Variants in PLXNA4 observed in about 807,000 individuals in gnomAD.
PLXNA4 encodes plexin A4.
In PLXNA4, 44 loss-of-function variants were observed where a neutral mutation model predicts 191.8. The observed-to-expected ratio is 0.23, with a 90% confidence interval of 0.18 to 0.29. The LOEUF is 0.29. Ranked by LOEUF, PLXNA4 falls within the 10% of genes least tolerant of loss-of-function variation. The probability of loss-of-function intolerance (pLI) is 1.00; values close to 1 mark genes in which losing one functional copy is unlikely to be tolerated. For synonymous variants in PLXNA4, 1,082 were observed against 1,009.5 expected, an observed-to-expected ratio of 1.07 and a Z score of -1.36; for missense variants, 1,800 against 2,488.8, an observed-to-expected ratio of 0.72 and a Z score of 5.89.
At chr7:132,545,853 C>T (rs1308456942) in intron 1 of PLXNA4, among the ~76,000 whole-genome samples, 2 of 152,194 alleles carry the variant, frequency 1.3e-5, no homozygotes, top group Admixed American at 6.5e-5. Context: ...CAGGCACCTG[C>T]GGGCCTGGAC....
intron 3 of PLXNA4, among the ~76,000 whole-genome samples, chr7:132,322,261 C>T (rs949258016): frequency 2.0e-5 from 3 of 149,780 alleles, no homozygotes; most frequent in Non-Finnish European, 4.4e-5. Context: ...CGGCTCACTG[C>T]AGTCTCTGCT....
intron 14 of PLXNA4, among the ~76,000 whole-genome samples, chr7:132,193,022 T>C (rs1797141810): frequency 6.6e-6 from 1 of 152,048 alleles, no homozygotes; most frequent in Non-Finnish European, 1.5e-5. Flanking sequence ...CAGGGGTTAA[T>C]GAGGTCATGA....
chr7:132,173,604 C>T (rs1203150294), intron 21 of PLXNA4, among the ~76,000 whole-genome samples: 2 of 152,224 alleles, frequency 1.3e-5, no homozygotes, highest in African/African-American at 2.4e-5. Flanking sequence ...GTGTGTGCCA[C>T]GAATGCCCCT....
chr7:132,206,494 T>A (rs969510889), intron 10 of PLXNA4, among the ~76,000 whole-genome samples: 1 of 151,434 alleles, frequency 6.6e-6, no homozygotes, highest in Non-Finnish European at 1.5e-5. Flanking sequence ...AAGCATAAAT[T>A]TTCTCTTTGA....
intron 4 of PLXNA4, among the ~76,000 whole-genome samples, chr7:132,263,854 G>A (rs1026893917): frequency 5.9e-5 from 9 of 152,136 alleles, no homozygotes; most frequent in Non-Finnish European, 8.8e-5. Context: ...AAAATCGCTT[G>A]GGAAATAGCA....
intron 3 of PLXNA4, among the ~76,000 whole-genome samples, chr7:132,470,626 C>CTGGACTAT (rs1248139593): frequency 1.3e-5 from 2 of 152,158 alleles, no homozygotes; most frequent in African/African-American, 4.8e-5. Context: ...AGAGATGAGC[C>CTGGACTAT]TGGACTATCC....
At chr7:132,195,751 C>T (rs557026563) in intron 13 of PLXNA4, among the ~76,000 whole-genome samples, 10 of 152,320 alleles carry the variant, frequency 6.6e-5, no homozygotes, top group African/African-American at 2.2e-4. Context: ...TTGAAGCCCT[C>T]TTTCTTGCTG....
intron 1 of PLXNA4, among the ~76,000 whole-genome samples, chr7:132,510,326 G>C (rs1798660793): frequency 1.3e-5 from 2 of 152,222 alleles, no homozygotes; most frequent in Admixed American, 1.3e-4. Context: ...ACCAAATAAA[G>C]ACTTTGCATT....
chr7:132,160,184 G>A (rs535041687), intron 24 of PLXNA4, among the ~76,000 whole-genome samples: 13 of 152,110 alleles, frequency 8.5e-5, no homozygotes, highest in Non-Finnish European at 1.6e-4. Context: ...CAATTTTTAT[G>A]AAGGTTTCAT....
chr7:132,365,360 T>TGTGCGCGCGCGC, intron 3 of PLXNA4, among the ~76,000 whole-genome samples: 57 of 128,824 alleles, frequency 4.4e-4, no homozygotes, highest in East Asian at 4.2e-3. Flanking sequence ...TGTGTGTGTG[T>TGTGCGCGCGCGC]GCGTGCGCGC....
intron 3 of PLXNA4, among the ~76,000 whole-genome samples, chr7:132,311,191 TGTGC>T (rs1464054615): frequency 1.0e-4 from 13 of 128,604 alleles, no homozygotes; most frequent in South Asian, 5.0e-4. Flanking sequence ...TGTGTGTGTG[TGTGC>T]GCGTGTGGCC....
At chr7:132,629,881 G>T (rs192023052) in intron 2 of PLXNA4, among the ~76,000 whole-genome samples, 1 of 151,214 alleles carries the variant, frequency 6.6e-6, no homozygotes, top group African/African-American at 2.4e-5. Context: ...ACAGAGTCTC[G>T]TTCTGTCACC....
intron 1 of PLXNA4, among the ~76,000 whole-genome samples, chr7:132,520,614 A>T (rs535199677): frequency 8.5e-5 from 13 of 152,316 alleles, no homozygotes; most frequent in Non-Finnish European, 1.5e-4. Flanking sequence ...CTCTAGCTAG[A>T]CTTTTCTAAC....
At chr7:132,192,884 A>T (rs1478502502) in intron 14 of PLXNA4, among the ~76,000 whole-genome samples, 1 of 152,070 alleles carries the variant, frequency 6.6e-6, no homozygotes, top group Non-Finnish European at 1.5e-5. Context: ...TCCAGGCAGG[A>T]AGGAATTTAA....
intron 1 of PLXNA4, among the ~76,000 whole-genome samples, chr7:132,566,903 G>C (rs1304623760): frequency 6.6e-6 from 1 of 152,166 alleles, no homozygotes; most frequent in African/African-American, 2.4e-5. Context: ...GGGGTCACAA[G>C]TCCCTACAAG....
rs111846075 is a variant in PLXNA4, at chr7:132,467,674, A to G, written c.1371+21618T>C. On this transcript the variant is annotated intron_variant, in intron 3 of 31. Transcript: ENST00000321063. Reference sequence around the variant, plus strand: ...AGATCACAAAATTAAAAGACGTTGAACCTAGGGACCCAGACTCCCAGCCTA... The same window carrying G: ...AGATCACAAAATTAAAAGACGTTGAGCCTAGGGACCCAGACTCCCAGCCTA... 2.8e-3 allele frequency among the ~76,000 whole-genome samples: 422 copies of G among 152,290 alleles called. 2 individuals are homozygous for G. The highest frequency in any genetic ancestry group is 4.4e-3 in the Non-Finnish European group (299 of 68,020).
intron 3 of PLXNA4, chr7:132,383,640 CA>C: frequency 1.0e-6 from 1 of 982,392 alleles, no homozygotes; most frequent in Non-Finnish European, 1.2e-6. Flanking sequence ...ATAAATATAC[CA>C]AATCTACCTA....
intron 3 of PLXNA4, among the ~76,000 whole-genome samples, chr7:132,353,245 T>G (rs781609320): frequency 1.9e-4 from 29 of 152,230 alleles, no homozygotes; most frequent in Non-Finnish European, 1.9e-4. Context: ...TGGCCCAGTT[T>G]TTATGGCTCC....
chr7:132,283,587 G>A (rs1164239193), intron 4 of PLXNA4, among the ~76,000 whole-genome samples: 2 of 143,838 alleles, frequency 1.4e-5, no homozygotes, highest in Non-Finnish European at 3.2e-5. Context: ...CTGTGCTCAT[G>A]ACAGAACAGC....
Sources: allele counts gnomAD v4.1 joint callset (sites outside exome capture counted in the v4.1 genomes callset), GRCh38; gene constraint gnomAD v4.1.1; transcripts MANE v1.5; gene names NCBI Gene and HGNC (gene_info 2026-07-23, HGNC 2026-07-21).